Variants in NSMAF observed in about 807,000 individuals in gnomAD.
NSMAF encodes neutral sphingomyelinase activation associated factor, also known as protein FAN.
NSMAF carries 90 observed loss-of-function variants against 134.9 expected under a neutral mutation model. The observed-to-expected ratio is 0.67, with a 90% CI of 0.56 to 0.79. The LOEUF is 0.79. Ranked by LOEUF, NSMAF falls within the 30% of genes least tolerant of loss-of-function variation. The pLI is 0.00. For synonymous variants in NSMAF, 358 were observed against 389.6 expected (o/e 0.92, Z 0.96); for missense variants, 1,010 against 1,119.0 (o/e 0.90, Z 1.39).
chr8:58,596,555 C>T (rs907655602), intron 21 of NSMAF, among the ~76,000 whole-genome samples: 6 of 152,118 alleles, frequency 3.9e-5, no homozygotes, highest in Non-Finnish European at 7.3e-5. Context: ...ACATGCCCAG[C>T]GCAGAACAGA....
intron 23 of NSMAF, among the ~76,000 whole-genome samples, chr8:58,591,481 CTTT>C (rs1018380152): frequency 4.2e-5 from 4 of 94,490 alleles, no homozygotes; most frequent in Non-Finnish European, 5.9e-5. Context: ...AGAAACCTTC[CTTT>C]TTTTTTTTTT....
rs560766891 is a variant in NSMAF at position 58,585,737 on chromosome 8, G to A, written c.2574C>T (p.Ser858=). The stretch of plus-strand genomic sequence containing the variant: ...CACCAGACTGACTGCCAGATAAAAC[G>A]GAATTTCCATCCCAGACAAAGCACC... ...PQRCFVWDGN[S]VLSGSQSGEL... is the part of the protein sequence containing the mutation. Residue 858 remains serine, a synonymous_variant, in exon 30 of 31, where the codon TCC becomes TCT. Transcript: ENST00000038176. 100 of 1,614,076 alleles carry A rather than the reference G, an allele frequency of 6.2e-5. No individual in the cohort carries two copies. In the South Asian group the frequency reaches 8.0e-4, roughly 13 times the overall value.
chr8:58,623,889 T>C (rs1433390573), intron 6 of NSMAF, 109 bp from the exon 7 acceptor site: 4 of 812,168 alleles, frequency 4.9e-6, no homozygotes, highest in Non-Finnish European at 6.0e-6. Context: ...CTGCATGTTT[T>C]ACCTAGTGTA....
chr8:58,609,233 T>C (rs1345103957), intron 10 of NSMAF, among the ~76,000 whole-genome samples: 3 of 152,178 alleles, frequency 2.0e-5, no homozygotes, highest in Non-Finnish European at 4.4e-5. Flanking sequence ...TATAAGCAAA[T>C]ATATTTCAAA....
intron 9 of NSMAF, among the ~76,000 whole-genome samples, chr8:58,617,250 G>A (rs1413299777): frequency 6.6e-6 from 1 of 152,170 alleles, no homozygotes. Context: ...ATAGGCATGG[G>A]CAAGGACTTC....
At chr8:58,604,152 T>C (rs1347324649) in intron 12 of NSMAF, among the ~76,000 whole-genome samples, 7 of 152,206 alleles carry the variant, frequency 4.6e-5, no homozygotes. Flanking sequence ...CATCTACTTT[T>C]ACCAAGTTTC....
At chr8:58,644,838 C>T (rs1807408855) in intron 1 of NSMAF, among the ~76,000 whole-genome samples, 1 of 152,116 alleles carries the variant, frequency 6.6e-6, no homozygotes, top group African/African-American at 2.4e-5. Flanking sequence ...AGCTGGAAAC[C>T]ATCATTCTCA....
In NSMAF at chr8:58,658,116, T is replaced by G. The variant is rs538767152; in HGVS notation, c.59+1457A>C. Among the ~76,000 whole-genome samples the G allele has an allele frequency of 2.6e-5, 4 of 152,322 alleles. No individual in the cohort carries two copies. The East Asian group carries it at 7.7e-4, about 29-fold the overall frequency. On this transcript the variant is annotated intron_variant, in intron 1 of 30. Transcript: ENST00000038176. ...TCATACAACATGATGCCAATTCAAG[T>G]GTGTCAAAGTTCTCACAATTTAAAT... is the stretch of plus-strand genomic sequence containing the variant.
At chr8:58,599,572 T>C (rs1806226192) in intron 18 of NSMAF, 178 bp downstream of exon 18, 2 of 876,990 alleles carry the variant, frequency 2.3e-6, no homozygotes, top group Non-Finnish European at 3.4e-6. Context: ...CTCAAATATA[T>C]ATTAATGTTT....
rs1227234322 is a variant in NSMAF at position 58,588,353 on chromosome 8, TAC to T, written c.2212-654_2212-653del. On this transcript the variant is annotated intron_variant, in intron 26 of 30. Coordinates refer to ENST00000038176, the MANE Select transcript of NSMAF (RefSeq NM_003580.4). ...CATTTTCTTTTTTTTTTTTTTTAAG[TAC>T]AGTTTCCATTTAATTTTTCTCCAGA... 42 of 778,994 alleles carry T rather than the reference TAC, an allele frequency of 5.4e-5. No homozygotes were observed. In the East Asian group the frequency reaches 9.7e-4, roughly 18 times the overall value. The allele number at this position is 778,994 out of a possible 1,614,324, so 48.3% of individuals were successfully genotyped here. A position where few individuals can be genotyped will look rare whatever the true frequency, so the allele number is the denominator to read the frequency against.
chr8:58,654,255 T>G (rs144741992), intron 1 of NSMAF, among the ~76,000 whole-genome samples: 1 of 152,340 alleles, frequency 6.6e-6, no homozygotes, highest in East Asian at 1.9e-4. Context: ...CAAGTGCTTT[T>G]TATAAAATAA....
At chr8:58,602,396 C>G (rs928349188) in intron 13 of NSMAF, among the ~76,000 whole-genome samples, 13 of 152,044 alleles carry the variant, frequency 8.6e-5, no homozygotes, top group Non-Finnish European at 2.9e-5. Flanking sequence ...AAAAAAGTTT[C>G]TGATTAAGGA....
At chr8:58,656,410 A>T (rs1807712194) in intron 1 of NSMAF, among the ~76,000 whole-genome samples, 1 of 152,210 alleles carries the variant, frequency 6.6e-6, no homozygotes, top group Non-Finnish European at 1.5e-5. Flanking sequence ...ATCAACAATA[A>T]ATGGCACCAC....
intron 9 of NSMAF, among the ~76,000 whole-genome samples, chr8:58,614,430 G>A (rs1315036709): frequency 2.0e-5 from 3 of 152,248 alleles, no homozygotes; most frequent in Non-Finnish European, 4.4e-5. Flanking sequence ...CCTCTGAGCA[G>A]GCCTGAGTTA....
intron 2 of NSMAF, among the ~76,000 whole-genome samples, chr8:58,636,134 T>C (rs1444470498): frequency 1.3e-5 from 2 of 152,174 alleles, no homozygotes; most frequent in Admixed American, 1.3e-4. Flanking sequence ...AATAGTAACA[T>C]AAAAACTTTT....
intron 25 of NSMAF, 65 bp from the exon 26 acceptor site, chr8:58,589,640 T>C (rs1805979323): frequency 3.5e-6 from 5 of 1,444,884 alleles, no homozygotes; most frequent in Non-Finnish European, 4.6e-6. Flanking sequence ...TAAACATATA[T>C]TAAAGAAACA....
chr8:58,620,872 C>T (rs1806774860), intron 9 of NSMAF, among the ~76,000 whole-genome samples: 1 of 152,134 alleles, frequency 6.6e-6, no homozygotes, highest in Non-Finnish European at 1.5e-5. Flanking sequence ...TAATTTCATT[C>T]ACTGTAATAT....
At chr8:58,599,384 G>A (rs757912555) in intron 18 of NSMAF, 21 bp from the exon 19 acceptor site, 29 of 1,607,288 alleles carry the variant, frequency 1.8e-5, no homozygotes, top group South Asian at 1.6e-4. Flanking sequence ...AGACTCAATC[G>A]AAAAATCATG....
chr8:58,655,326 G>A (rs16923637), intron 1 of NSMAF, among the ~76,000 whole-genome samples: 1 of 151,704 alleles, frequency 6.6e-6, no homozygotes, highest in Non-Finnish European at 1.5e-5. Flanking sequence ...AACACTCCAC[G>A]GTGGATAGTA....
Sources: allele counts gnomAD v4.1 joint callset (sites outside exome capture counted in the v4.1 genomes callset), GRCh38; gene constraint gnomAD v4.1.1; transcripts MANE v1.5; gene names NCBI Gene and HGNC (gene_info 2026-07-23, HGNC 2026-07-21).